Variants in WDR1 observed in about 807,000 individuals in gnomAD.
The protein encoded by WDR1 is WD repeat domain 1, also known as WD repeat-containing protein 1.
WDR1 carries 21 observed loss-of-function variants against 71.9 expected under a neutral mutation model. The observed-to-expected ratio is 0.29, with a 90% CI of 0.21 to 0.42. WDR1 has a LOEUF of 0.42. Ranked by LOEUF, WDR1 falls within the 10% of genes least tolerant of loss-of-function variation. WDR1 has a pLI of 1.00. For missense variants in WDR1, 696 were observed against 824.5 expected (o/e 0.84, Z 1.91); for synonymous variants, 424 against 347.4 (o/e 1.22, Z -2.45).
chr4:10,094,722 C>G (rs1287120489), intron 5 of WDR1: 2 of 152,220 alleles, frequency 1.3e-5, no homozygotes, highest in East Asian at 1.9e-4. Flanking sequence ...AGCCGGCACC[C>G]AGGCTTATTC....
rs1711763361 is a variant in WDR1, at chr4:10,088,706, A to T, written c.594T>A (p.Ser198=). The T allele has an allele frequency of 2.5e-6, 4 of 1,607,616 alleles. No individual in the cohort carries two copies. Among genetic ancestry groups the T allele is most frequent in the Non-Finnish European group, 3.4e-6 (4 of 1,177,100 alleles). The part of the protein sequence containing the change: ...HSRFVNCVRF[S]PDGNRFATAS... ...CTGTGGCAAATCTGTTCCCATCAGG[A>T]GAGAATCGCACACAGTTGACAAAGC... The change falls in exon 6 of 15, where the codon TCT becomes TCA. Residue 198 remains serine, a synonymous_variant. Transcript: ENST00000499869.
Position 10,099,064 on chromosome 4 carries a change from G to T in WDR1, c.305C>A (p.Ala102Asp). 2 of 1,613,896 alleles carry T rather than the reference G, an allele frequency of 1.2e-6. No individual in the cohort carries two copies. Among genetic ancestry groups the T allele is most frequent in the East Asian group, 2.2e-5 (1 of 44,872 alleles). Residue 102 changes from alanine to aspartate, a missense_variant, in exon 4 of 15, where the codon GCT (alanine) becomes GAT (aspartate). Ala to Asp is a moderately radical substitution (Grantham distance 126, BLOSUM62 -2). Coordinates refer to ENST00000499869, the MANE Select transcript of WDR1 (RefSeq NM_017491.5). ...HLLKYEYQPF[A>D]GKIKDIAWTE... Reference sequence around the variant, plus strand: ...CCAAGCAATGTCTTTGATCTTCCCAGCGAAAGGCTGGTACTCATACTTCAA... The same window carrying T: ...CCAAGCAATGTCTTTGATCTTCCCATCGAAAGGCTGGTACTCATACTTCAA...
intron 2 of WDR1, among the ~76,000 whole-genome samples, chr4:10,104,720 T>C (rs907078837): frequency 6.6e-6 from 1 of 152,124 alleles, no homozygotes; most frequent in Non-Finnish European, 1.5e-5. Context: ...ACACACACAC[T>C]GGGCTGCTCT....
At chr4:10,104,997 C>T (rs1004946958) in intron 2 of WDR1, among the ~76,000 whole-genome samples, 6 of 152,256 alleles carry the variant, frequency 3.9e-5, no homozygotes, top group African/African-American at 1.4e-4. Flanking sequence ...ACTGAGACCA[C>T]AGAAGTACAG....
chr4:10,078,685 G>A (rs558231861), intron 12 of WDR1: 3 of 521,952 alleles, frequency 5.7e-6, no homozygotes, highest in East Asian at 7.1e-5. Flanking sequence ...GGGAAGTGCC[G>A]AGGAGGGGAG....
intron 2 of WDR1, among the ~76,000 whole-genome samples, chr4:10,115,181 C>G (rs748632752): frequency 1.3e-5 from 2 of 152,202 alleles, no homozygotes; most frequent in Non-Finnish European, 2.9e-5. Flanking sequence ...ACCCAATGGC[C>G]GGGCCGGCAC....
At chr4:10,082,326 G>A (rs1765049352) in intron 10 of WDR1, among the ~76,000 whole-genome samples, 2 of 152,120 alleles carry the variant, frequency 1.3e-5, no homozygotes, top group South Asian at 4.1e-4. Flanking sequence ...CATCTCCCAG[G>A]CAACACGACT....
chr4:10,084,925 T>C (rs1765154095), intron 8 of WDR1, among the ~76,000 whole-genome samples: 1 of 152,230 alleles, frequency 6.6e-6, no homozygotes, highest in Admixed American at 6.5e-5. Flanking sequence ...CCAGGAGGAC[T>C]TCGCTGGCCA....
At position 10,097,756 on chromosome 4, in the gene WDR1, C is replaced by G. The variant is rs191441707; in HGVS notation, c.513G>C (p.Ala171=). The G allele has an allele frequency of 7.4e-6, 12 of 1,613,054 alleles. No individual in the cohort carries two copies. Among genetic ancestry groups the G allele is most frequent in the Non-Finnish European group, 1.0e-5 (12 of 1,179,514 alleles). ...TGAATGGGGGTCCCTCAAAGAATGC[C>G]GCGCAGTTATCATCGCTTCCCGTGG... ...RLATGSDDNC[A]AFFEGPPFKF... Residue 171 remains alanine, a synonymous_variant, in exon 5 of 15, where the codon GCG becomes GCC. Coordinates refer to ENST00000499869, the MANE Select transcript of WDR1 (RefSeq NM_017491.5).
intron 2 of WDR1, chr4:10,106,429 A>T (rs1395136752): frequency 6.6e-6 from 1 of 152,308 alleles, no homozygotes; most frequent in East Asian, 1.9e-4. Context: ...GTACACTCAC[A>T]GCTGACTGGG....
At chr4:10,081,246 C>T (rs1194987326) in intron 11 of WDR1, 111 bp downstream of exon 11, 3 of 1,000,746 alleles carry the variant, frequency 3.0e-6, no homozygotes, top group Non-Finnish European at 4.6e-6. Flanking sequence ...CAAATGAGCA[C>T]TCAACCAAAA....
At position 10,081,359 on chromosome 4, in the gene WDR1, G is replaced by C; in HGVS notation, c.1282C>G (p.Gln428Glu). 1 of 1,613,890 alleles carries C rather than the reference G, an allele frequency of 6.2e-7. No homozygotes were observed. The highest frequency in any genetic ancestry group is 2.2e-5 in the East Asian group (1 of 44,878). The change falls in exon 11 of 15, where the codon CAG (glutamine) becomes GAG (glutamate). Residue 428 changes from glutamine to glutamate, a missense_variant and splice_region_variant. Gln to Glu is a conservative substitution (Grantham distance 29, BLOSUM62 2). Coordinates refer to ENST00000499869, the MANE Select transcript of WDR1 (RefSeq NM_017491.5). ...CAAACACTAAGCCAGGTCCCTACCT[G>C]TCCAATGCACACGACCACGGCGTAT... ...GGYAVVVCIG[Q>E]IVLLKDQRKC...
chr4:10,101,807 C>T (rs973714240), intron 3 of WDR1, among the ~76,000 whole-genome samples: 2 of 152,254 alleles, frequency 1.3e-5, no homozygotes, highest in Non-Finnish European at 2.9e-5. Context: ...CATTCCTCTC[C>T]TGAGAAGACA....
At chr4:10,093,347 G>A (rs941498521) in intron 5 of WDR1, among the ~76,000 whole-genome samples, 3 of 152,174 alleles carry the variant, frequency 2.0e-5, no homozygotes, top group Non-Finnish European at 2.9e-5. Flanking sequence ...AGCCCAGCAC[G>A]GGCCTCCACG....
At chr4:10,079,834 T>C (rs1231671325) in intron 11 of WDR1, among the ~76,000 whole-genome samples, 2 of 152,218 alleles carry the variant, frequency 1.3e-5, no homozygotes, top group Admixed American at 1.3e-4. Flanking sequence ...ACCTCTGTCA[T>C]CTGCCCGGCT....
At chr4:10,106,103 G>A (rs1297360334) in intron 2 of WDR1, among the ~76,000 whole-genome samples, 10 of 151,458 alleles carry the variant, frequency 6.6e-5, no homozygotes, top group African/African-American at 2.2e-4. Context: ...GGGGGTGAGG[G>A]TGGAAGGGGT....
At chr4:10,078,852 C>T in intron 12 of WDR1, 39 bp downstream of exon 12, 1 of 1,561,382 alleles carries the variant, frequency 6.4e-7, no homozygotes, top group Non-Finnish European at 8.8e-7. Context: ...CACCCAGATA[C>T]CAAGGACAGA....
chr4:10,083,053 G>A lies in WDR1; in HGVS notation c.1165C>T (p.Arg389Trp). Residue 389 changes from arginine to tryptophan, a missense_variant, in exon 10 of 15, where the codon CGG (arginine) becomes TGG (tryptophan). By Grantham distance (101) the Arg-to-Trp change is moderately radical. Transcript: ENST00000499869. ...LISCSMDDTV[R>W]YTSLMLRDYS... ...TCCCGCAGCATGAGGCTGGTGTACC[G>A]CACGGTGTCGTCCATGCTGCAGCTG... 6.2e-7 allele frequency: 1 copy of A among 1,613,666 alleles called. No homozygotes were observed. The highest frequency in any genetic ancestry group is 8.5e-7 in the Non-Finnish European group (1 of 1,179,790).
chr4:10,091,617 T>C (rs1231437608), intron 5 of WDR1: 3 of 152,312 alleles, frequency 2.0e-5, no homozygotes, highest in East Asian at 1.9e-4. Context: ...AGCCTGGGGG[T>C]GCTCCAGCCC....
Sources: allele counts gnomAD v4.1 joint callset (sites outside exome capture counted in the v4.1 genomes callset), GRCh38; gene constraint gnomAD v4.1.1; transcripts MANE v1.5; gene names NCBI Gene and HGNC (gene_info 2026-07-23, HGNC 2026-07-21).